PTBP2: variants seen among roughly 807,000 people sequenced by gnomAD.
The protein encoded by PTBP2 is polypyrimidine tract-binding protein 2.
Under a neutral mutation model 61.4 loss-of-function variants are expected in PTBP2, and 13 were observed. The observed-to-expected ratio is 0.21, with a 90% CI of 0.14 to 0.34. PTBP2 has a LOEUF of 0.34. Among genes scored for constraint, PTBP2 ranks in the 10% least tolerant of loss-of-function variants. The pLI, the probability that PTBP2 is intolerant of heterozygous loss-of-function variation, is 1.00. For synonymous variants in PTBP2, 215 were observed against 218.5 expected (o/e 0.98, Z 0.14); for missense variants, 405 against 642.6 (o/e 0.63, Z 4.00).
chr1:96,749,326 A>G (rs1342437923), intron 2 of PTBP2, among the ~76,000 whole-genome samples: 2 of 152,200 alleles, frequency 1.3e-5, no homozygotes, highest in African/African-American at 4.8e-5. Flanking sequence ...TGAATTCACA[A>G]ATAGTCAAAC....
At chr1:96,768,363 C>T (rs1656985516) in intron 3 of PTBP2, among the ~76,000 whole-genome samples, 1 of 152,010 alleles carries the variant, frequency 6.6e-6, no homozygotes, top group African/African-American at 2.4e-5. Flanking sequence ...CCAAGATAAT[C>T]TGACAGTCTT....
rs117986170 is a variant in PTBP2 at position 96,757,110 on chromosome 1, C to T, written c.115+5610C>T. 5.7e-4 allele frequency among the ~76,000 whole-genome samples: 87 copies of T among 152,234 alleles called. 1 individual carries two copies. The East Asian group carries it at 0.014, about 25-fold the overall frequency. ...AAATGTCTTTGAAAATTTACTCATG[C>T]GCTTGCATTGCATTTCTTTTGGATA... is the stretch of plus-strand genomic sequence containing the variant. On this transcript the variant is annotated intron_variant, in intron 3 of 13. Transcript: ENST00000674951.
At chr1:96,728,906 G>T (rs539287292) in intron 2 of PTBP2, among the ~76,000 whole-genome samples, 1 of 150,652 alleles carries the variant, frequency 6.6e-6, no homozygotes, top group Admixed American at 6.6e-5. Flanking sequence ...TACTGTAAAT[G>T]ATATTTTAAA....
intron 4 of PTBP2, 138 bp downstream of exon 4, chr1:96,770,013 C>A: frequency 1.7e-6 from 1 of 597,782 alleles, no homozygotes; most frequent in Non-Finnish European, 2.6e-6. Context: ...GAGTAGATGT[C>A]TGTGGGAAAC....
intron 8 of PTBP2, among the ~76,000 whole-genome samples, chr1:96,788,309 T>C (rs1172944709): frequency 3.3e-5 from 5 of 152,114 alleles, no homozygotes; most frequent in Non-Finnish European, 4.4e-5. Context: ...TGGAAAAGTA[T>C]TTTTCAATAA....
chr1:96,746,812 C>A (rs1653831287), intron 2 of PTBP2, among the ~76,000 whole-genome samples: 1 of 146,806 alleles, frequency 6.8e-6, no homozygotes, highest in South Asian at 2.2e-4. Context: ...CTTCTTTATG[C>A]TGTCTTGTCT....
At chr1:96,733,349 A>G (rs1651710985) in intron 2 of PTBP2, among the ~76,000 whole-genome samples, 1 of 152,192 alleles carries the variant, frequency 6.6e-6, no homozygotes, top group African/African-American at 2.4e-5. Flanking sequence ...TTACAAATTA[A>G]TGAAGTGGCA....
exon 14 of PTBP2, chr1:96,820,203 T>TG (rs944497203): frequency 3.9e-5 from 6 of 151,902 alleles, no homozygotes; most frequent in Admixed American, 2.6e-4. Context: ...TTCCTCTAAT[T>TG]GGGGGTGGGG....
At chr1:96,762,285 C>T (rs1655991612) in intron 3 of PTBP2, among the ~76,000 whole-genome samples, 2 of 149,090 alleles carry the variant, frequency 1.3e-5, no homozygotes, top group South Asian at 2.1e-4. Context: ...AGAGGGGCTC[C>T]TCACTTCCCA....
At chr1:96,748,693 G>A (rs1348112306) in intron 2 of PTBP2, among the ~76,000 whole-genome samples, 1 of 152,070 alleles carries the variant, frequency 6.6e-6, no homozygotes, top group Non-Finnish European at 1.5e-5. Context: ...TTAGTATTTT[G>A]ATTCTAAGTA....
chr1:96,795,370 A>G (rs894049563), intron 8 of PTBP2, among the ~76,000 whole-genome samples: 4 of 152,190 alleles, frequency 2.6e-5, no homozygotes, highest in South Asian at 2.1e-4. Flanking sequence ...TACTGATGTG[A>G]TTGATTATGA....
chr1:96,725,669 G>C (rs1051882959), intron 2 of PTBP2, among the ~76,000 whole-genome samples: 4 of 152,010 alleles, frequency 2.6e-5, no homozygotes, highest in African/African-American at 9.7e-5. Context: ...TAATTTTCTG[G>C]AATAATGGTT....
At chr1:96,741,109 A>G (rs1362643083) in intron 2 of PTBP2, among the ~76,000 whole-genome samples, 1 of 150,646 alleles carries the variant, frequency 6.6e-6, no homozygotes, top group African/African-American at 2.4e-5. Flanking sequence ...AATTTTGCTG[A>G]TCAAATGTAC....
chr1:96,754,827 T>G (rs994613527), intron 3 of PTBP2, among the ~76,000 whole-genome samples: 1 of 152,178 alleles, frequency 6.6e-6, no homozygotes, highest in Non-Finnish European at 1.5e-5. Flanking sequence ...ATCTTGGATC[T>G]GTATCTCACA....
At chr1:96,741,986 G>A (rs1448405824) in intron 2 of PTBP2, among the ~76,000 whole-genome samples, 1 of 151,960 alleles carries the variant, frequency 6.6e-6, no homozygotes, top group Non-Finnish European at 1.5e-5. Flanking sequence ...ATTAAGTTTT[G>A]GAATCTTGTA....
intron 11 of PTBP2, 37 bp downstream of exon 11, chr1:96,806,995 T>G (rs1162836275): frequency 2.0e-6 from 3 of 1,472,568 alleles, no homozygotes; most frequent in Non-Finnish European, 2.8e-6. Context: ...ACATCTTCAC[T>G]TCTGCTTTCA....
intron 11 of PTBP2, among the ~76,000 whole-genome samples, chr1:96,809,211 A>T (rs376315778): frequency 4.6e-5 from 7 of 152,190 alleles, no homozygotes; most frequent in African/African-American, 1.2e-4. Flanking sequence ...TCTGAATTAC[A>T]TGTCAAACTG....
rs1330948266 is a variant in PTBP2 at position 96,721,849 on chromosome 1, T to A, written c.-16T>A. ...GTGGCTCGGTTCTTGTGAGCGAAGC[T>A]TTGTCCGGTTCGGCAATGGACGGGT... On this transcript the variant is annotated 5_prime_UTR_variant, in exon 1 of 14. Coordinates refer to ENST00000674951, the MANE Select transcript of PTBP2 (RefSeq NM_021190.4). 1.3e-6 allele frequency: 2 copies of A among 1,567,280 alleles called. No homozygotes were observed. Among genetic ancestry groups the A allele is most frequent in the Non-Finnish European group, 1.7e-6 (2 of 1,156,058 alleles).
At chr1:96,767,281 C>CTT (rs1332986416) in intron 3 of PTBP2, among the ~76,000 whole-genome samples, 1 of 152,022 alleles carries the variant, frequency 6.6e-6, no homozygotes, top group Non-Finnish European at 1.5e-5. Flanking sequence ...TTTAGGCAGG[C>CTT]TTTTGCCTTT....
Sources: gnomAD v4.1 joint callset for allele counts (sites outside exome capture counted in the v4.1 genomes callset) on GRCh38, gnomAD v4.1.1 for gene constraint, MANE v1.5 for transcripts, NCBI Gene and HGNC (gene_info 2026-07-23, HGNC 2026-07-21) for gene names.